The following SRSF4 variants were observed in gnomAD, a reference collection of about 807,000 sequenced individuals.
SRSF4 encodes the protein serine and arginine rich splicing factor 4.
SRSF4 carries 12 observed loss-of-function variants against 48.8 expected under a neutral mutation model. The observed-to-expected ratio is 0.25, with a 90% confidence interval of 0.16 to 0.40. The LOEUF (loss-of-function observed/expected upper bound fraction) is 0.40, where lower values mean the gene tolerates loss of function less well. Among genes scored for constraint, SRSF4 ranks in the 10% least tolerant of loss-of-function variants. The pLI is 1.00. For synonymous variants in SRSF4, 248 were observed against 232.5 expected, an observed-to-expected ratio of 1.07 and a Z score of -0.61; for missense variants, 466 against 667.1, an observed-to-expected ratio of 0.70 and a Z score of 3.32.
intron 1 of SRSF4, among the ~76,000 whole-genome samples, chr1:29,168,040 T>G (rs1359834844): frequency 1.5e-5 from 2 of 136,204 alleles, no homozygotes; most frequent in African/African-American, 5.5e-5. Flanking sequence ...AAAAAAAACA[T>G]AGTCTCGCTC....
intron 3 of SRSF4, 66 bp from the exon 4 acceptor site, chr1:29,154,976 T>A: frequency 7.0e-7 from 1 of 1,434,874 alleles, no homozygotes; most frequent in Non-Finnish European, 9.5e-7. Flanking sequence ...TGCAATCATC[T>A]GAGTGAATTT....
intron 1 of SRSF4, chr1:29,172,202 G>GT (rs1461979082): frequency 2.0e-5 from 3 of 152,118 alleles, no homozygotes; most frequent in Admixed American, 6.6e-5. Context: ...AACAATGACA[G>GT]AATGCTACTT....
At chr1:29,149,818 C>T (rs559059492) in intron 5 of SRSF4, among the ~76,000 whole-genome samples, 6 of 151,760 alleles carry the variant, frequency 4.0e-5, no homozygotes, top group African/African-American at 1.2e-4. Flanking sequence ...TATTTGAGGT[C>T]ATGAGTTTAA....
chr1:29,174,913 C>T (rs1163798615), intron 1 of SRSF4, among the ~76,000 whole-genome samples: 2 of 150,796 alleles, frequency 1.3e-5, no homozygotes, highest in African/African-American at 4.9e-5. Flanking sequence ...ACCTTGTGAT[C>T]TGCCAGCCTT....
At chr1:29,149,337 C>G in intron 5 of SRSF4, 111 bp from the exon 6 acceptor site, 1 of 1,289,430 alleles carries the variant, frequency 7.8e-7, no homozygotes, top group Non-Finnish European at 1.0e-6. Context: ...TAAAGCATGG[C>G]TGGCACTGGC....
rs766110445 is a variant in SRSF4 at position 29,154,630 on chromosome 1, A to C, written c.578+66T>G. ...AAGAACTCAACAGGAAAATGTAAAT[A>C]AATTATCTATGTGCTCACTAATGAA... On this transcript the variant is annotated intron_variant, in intron 4 of 5. Coordinates refer to ENST00000373795, the MANE Select transcript of SRSF4 (RefSeq NM_005626.5). The C allele has an allele frequency of 1.0e-4, 148 of 1,474,202 alleles. 1 individual carries two copies. Among genetic ancestry groups the C allele is most frequent in the Admixed American group, 1.2e-4 (6 of 49,442 alleles). The allele number at this position is 1,474,202 out of a possible 1,614,324, so 91.3% of individuals were successfully genotyped here. A position where few individuals can be genotyped will look rare whatever the true frequency, so the allele number is the denominator to read the frequency against.
Position 29,159,122 on chromosome 1 carries a change from A to T in SRSF4, c.363+252T>A, listed in dbSNP as rs531379447. On this transcript the variant is annotated intron_variant, in intron 3 of 5. Transcript: ENST00000373795. ...CTCCATCTCAAACAAACCAAACCAA[A>T]CCAAACCAAACCAAACCAAACCAAA... is the stretch of plus-strand genomic sequence containing the variant. 5.5e-4 allele frequency among the ~76,000 whole-genome samples: 79 copies of T among 143,478 alleles called. 1 individual carries two copies. In the South Asian group the frequency reaches 0.016, roughly 29 times the overall value. The allele number at this position is 143,478 out of a possible 152,430, so 94.1% of individuals were successfully genotyped here. A position where few individuals can be genotyped will look rare whatever the true frequency, so the allele number is the denominator to read the frequency against.
At chr1:29,162,041 C>CA (rs1171527205) in intron 1 of SRSF4, among the ~76,000 whole-genome samples, 2 of 152,060 alleles carry the variant, frequency 1.3e-5, no homozygotes, top group Non-Finnish European at 2.9e-5. Context: ...GTGTAGGTAA[C>CA]AACGTTGGAG....
chr1:29,148,135 A>G lies in SRSF4; in HGVS notation c.*275T>C, dbSNP rs1405314617. ...CAGGTTACTGAGCTCCCTGTAGGAA[A>G]GGCCAGGCCTGAAAGCCAAGGCGTT... On this transcript the variant is annotated 3_prime_UTR_variant, in exon 6 of 6. Coordinates refer to ENST00000373795, the MANE Select transcript of SRSF4 (RefSeq NM_005626.5). 3.4e-6 allele frequency: 2 copies of G among 589,036 alleles called. No individual in the cohort carries two copies. The highest frequency in any genetic ancestry group is 7.7e-5 in the East Asian group (2 of 25,944). The allele number at this position is 589,036 out of a possible 1,614,324, so 36.5% of individuals were successfully genotyped here.
chr1:29,171,406 G>A (rs986812599), intron 1 of SRSF4: 1 of 147,604 alleles, frequency 6.8e-6, no homozygotes, highest in Non-Finnish European at 1.5e-5. Flanking sequence ...ATGCCCACAT[G>A]TATCTAGTAT....
Position 29,181,818 on chromosome 1 carries a change from G to C in SRSF4, c.-66C>G, listed in dbSNP as rs375392523. ...CCTTAGGCGGCGGCGGGCAAAGCGA[G>C]AGCACGGCGGCAGCGGCGGCGGCGG... On this transcript the variant is annotated 5_prime_UTR_variant, in exon 1 of 6. Coordinates refer to ENST00000373795, the MANE Select transcript of SRSF4 (RefSeq NM_005626.5). The C allele has an allele frequency of 2.2e-6, 3 of 1,359,532 alleles. No homozygotes were observed. In the South Asian group the frequency reaches 4.7e-5, roughly 21 times the overall value. 84.2% of individuals were successfully genotyped at this position (1,359,532 alleles called of 1,614,324 possible).
At chr1:29,174,032 T>C (rs2151824803) in intron 1 of SRSF4, among the ~76,000 whole-genome samples, 1 of 151,120 alleles carries the variant, frequency 6.6e-6, no homozygotes, top group East Asian at 2.0e-4. Flanking sequence ...CTACTAAAAA[T>C]ACAAAAATTA....
intron 1 of SRSF4, among the ~76,000 whole-genome samples, chr1:29,166,380 T>C (rs1574197569): frequency 6.6e-6 from 1 of 152,220 alleles, no homozygotes; most frequent in Non-Finnish European, 1.5e-5. Context: ...CCAACTCTAG[T>C]GCTCAGAAGA....
At chr1:29,158,354 G>A (rs1333788928) in intron 3 of SRSF4, among the ~76,000 whole-genome samples, 1 of 151,992 alleles carries the variant, frequency 6.6e-6, no homozygotes, top group East Asian at 1.9e-4. Context: ...GCATGTTATA[G>A]CAAATGCTGC....
At chr1:29,153,271 G>A (rs897242745) in intron 4 of SRSF4, among the ~76,000 whole-genome samples, 16 of 152,012 alleles carry the variant, frequency 1.1e-4, no homozygotes, top group Admixed American at 9.2e-4. Flanking sequence ...CCTAGTAGCT[G>A]GGACCACAGG....
rs1672363652 is a variant in SRSF4, at chr1:29,149,216, G to GGGAGCC, written c.673_678dup (p.Gly225_Ser226dup). The GGGAGCC allele has an allele frequency of 6.2e-7, 1 of 1,607,404 alleles. No individual in the cohort carries two copies. Among genetic ancestry groups the GGGAGCC allele is most frequent in the Non-Finnish European group, 8.5e-7 (1 of 1,179,816 alleles). ...CGGCTCCGGCTCTTGCTCCGGGAGCGGGAGCCCGACCTGAGGAGACATGGG... is the reference window on the plus strand; with the variant it reads ...CGGCTCCGGCTCTTGCTCCGGGAGCGGGAGCCGGAGCCCGACCTGAGGAGACATGGG... On this transcript the variant is annotated inframe_insertion, in exon 6 of 6. Transcript: ENST00000373795.
intron 1 of SRSF4, among the ~76,000 whole-genome samples, chr1:29,177,344 G>A (rs1672885414): frequency 6.6e-6 from 1 of 150,612 alleles, no homozygotes; most frequent in Non-Finnish European, 1.5e-5. Flanking sequence ...TGCAATGGCA[G>A]GATCTCGGCT....
At chr1:29,179,659 C>T (rs578214501) in intron 1 of SRSF4, among the ~76,000 whole-genome samples, 1 of 152,208 alleles carries the variant, frequency 6.6e-6, no homozygotes, top group Non-Finnish European at 1.5e-5. Flanking sequence ...ATATACTATT[C>T]CCAGAAACCT....
At chr1:29,157,085 G>A (rs1672512609) in intron 3 of SRSF4, among the ~76,000 whole-genome samples, 1 of 152,106 alleles carries the variant, frequency 6.6e-6, no homozygotes, top group African/African-American at 2.4e-5. Flanking sequence ...GCTTAACTAG[G>A]AGCCTGCATG....
Sources: allele counts gnomAD v4.1 joint callset (sites outside exome capture counted in the v4.1 genomes callset), GRCh38; gene constraint gnomAD v4.1.1; transcripts MANE v1.5; gene names NCBI Gene and HGNC (gene_info 2026-07-23, HGNC 2026-07-21).